The following ZFP2 variants were observed in gnomAD, a reference collection of about 807,000 sequenced individuals.
The protein encoded by ZFP2 is ZFP2 zinc finger protein.
Under a neutral mutation model 36.1 loss-of-function variants are expected in ZFP2, and 33 were observed. The observed-to-expected ratio is 0.92, with a 90% confidence interval of 0.69 to 1.22. The LOEUF (loss-of-function observed/expected upper bound fraction) is 1.22, where lower values mean the gene tolerates loss of function less well. Among genes scored for constraint, ZFP2 ranks in the 50% most tolerant of loss-of-function variants. The pLI is 0.00. For missense variants in ZFP2, 522 were observed against 551.4 expected (o/e 0.95, Z 0.53); for synonymous variants, 170 against 178.0 (o/e 0.96, Z 0.36).
chr5:178,897,093 C>T (rs1345282103), intron 1 of ZFP2, among the ~76,000 whole-genome samples: 1 of 149,140 alleles, frequency 6.7e-6, no homozygotes, highest in Non-Finnish European at 1.5e-5. Context: ...CTACATACAT[C>T]TTTGCATTTT....
intron 1 of ZFP2, chr5:178,909,991 G>A: frequency 3.5e-6 from 5 of 1,416,030 alleles, no homozygotes; most frequent in Non-Finnish European, 5.0e-6. Context: ...GTAGAGACTA[G>A]TTTCCATAGG....
chr5:178,911,336 T>C lies in ZFP2; in HGVS notation c.-449-1248T>C, dbSNP rs78896801. 3.2e-4 allele frequency among the ~76,000 whole-genome samples: 48 copies of C among 152,272 alleles called. 1 individual carries two copies. In the East Asian group the frequency reaches 9.3e-3, roughly 29 times the overall value. On this transcript the variant is annotated intron_variant, in intron 1 of 4. Coordinates refer to ENST00000361362, the MANE Select transcript of ZFP2 (RefSeq NM_030613.4). The stretch of plus-strand genomic sequence containing the variant: ...CTTCTTTCTCCACTACGGTTGACCC[T>C]TAAATAACACAAATTTGAACTACAC...
intron 4 of ZFP2, among the ~76,000 whole-genome samples, chr5:178,921,157 G>A (rs556653279): frequency 2.0e-5 from 3 of 152,228 alleles, no homozygotes; most frequent in Non-Finnish European, 2.9e-5. Context: ...CAAAGTCCAC[G>A]TGTGCTGCTT....
rs548870286 is a variant in ZFP2 at position 178,921,491 on chromosome 5, C to T, written c.-78+4781C>T. Among the ~76,000 whole-genome samples, 10 of 149,550 alleles carry T rather than the reference C, an allele frequency of 6.7e-5. 1 individual carries two copies. Among genetic ancestry groups the T allele is most frequent in the Non-Finnish European group, 1.4e-4 (9 of 66,604 alleles). ...GACCCTCTCCTCATGTTTTTGAGCT[C>T]CTGTCAGCTTGCAGTGGCACTGCTG... On this transcript the variant is annotated intron_variant, in intron 4 of 4. Transcript: ENST00000361362.
intron 1 of ZFP2, among the ~76,000 whole-genome samples, chr5:178,908,770 G>C (rs900831572): frequency 3.3e-5 from 5 of 151,996 alleles, no homozygotes; most frequent in Non-Finnish European, 7.4e-5. Context: ...AAAAAATGAA[G>C]AAAGTGCCTA....
chr5:178,918,692 A>G (rs1472286133), intron 4 of ZFP2, among the ~76,000 whole-genome samples: 1 of 152,258 alleles, frequency 6.6e-6, no homozygotes, highest in Non-Finnish European at 1.5e-5. Flanking sequence ...TATTACTCAA[A>G]AGTCTTGTTT....
At chr5:178,902,579 T>A (rs1758082439) in intron 1 of ZFP2, among the ~76,000 whole-genome samples, 2 of 147,240 alleles carry the variant, frequency 1.4e-5, no homozygotes, top group South Asian at 4.2e-4. Flanking sequence ...CAATGTGGGT[T>A]TGTTTGATGT....
chr5:178,902,462 C>G (rs1758079749), intron 1 of ZFP2, among the ~76,000 whole-genome samples: 1 of 152,188 alleles, frequency 6.6e-6, no homozygotes, highest in Non-Finnish European at 1.5e-5. Flanking sequence ...TTGTATTTAG[C>G]TGTCGTATCT....
rs575501256 is a variant in ZFP2, at chr5:178,922,415, A to G, written c.-78+5705A>G. 4 of 1,335,314 alleles carry G rather than the reference A, an allele frequency of 3.0e-6. 1 individual carries two copies. The highest frequency in any genetic ancestry group is 1.7e-5 in the Admixed American group (1 of 57,174). 82.7% of individuals were successfully genotyped at this position (1,335,314 alleles called of 1,614,324 possible). On this transcript the variant is annotated intron_variant, in intron 4 of 4. Transcript: ENST00000361362. ...ATTGGAAACATTTTTATTTGCAGTT[A>G]TTTTGTCTACTTTTACTATTGTGCC...
intron 1 of ZFP2, chr5:178,910,700 A>G (rs1442780616): frequency 3.4e-6 from 1 of 295,130 alleles, no homozygotes; most frequent in Non-Finnish European, 6.7e-6. Flanking sequence ...CAGTCAGAGG[A>G]GCTAGCCAAC....
chr5:178,910,241 T>C (rs1412021474), intron 1 of ZFP2: 1 of 1,580,270 alleles, frequency 6.3e-7, no homozygotes, highest in Non-Finnish European at 8.7e-7. Flanking sequence ...AGAGCAGCAC[T>C]CGGAATTCTG....
At chr5:178,930,155 A>G (rs187342472) in intron 4 of ZFP2, among the ~76,000 whole-genome samples, 15 of 152,064 alleles carry the variant, frequency 9.9e-5, no homozygotes, top group African/African-American at 3.1e-4. Flanking sequence ...ATCATCTCCC[A>G]TAAGGCCCCA....
rs140354184 is a variant in ZFP2 at position 178,920,562 on chromosome 5, G to A, written c.-78+3852G>A. Among the ~76,000 whole-genome samples, 1,087 of 152,038 alleles carry A rather than the reference G, an allele frequency of 7.1e-3. 4 individuals carry two copies. The highest frequency in any genetic ancestry group is 0.011 in the Admixed American group (166 of 15,272). On this transcript the variant is annotated intron_variant, in intron 4 of 4. Transcript: ENST00000361362. ...TGAGGCAGGAGAATCGCTTGAACCC[G>A]GGAGGTAGAGGTTGCAGTGAGTCGA...
chr5:178,933,199 T>C lies in ZFP2; in HGVS notation c.*500T>C, dbSNP rs1440658161. ...AAATGCTACAACTCTATAAATATAA[T>C]GAATGCTGGGAAATCTTTGTTCTTT... is the stretch of plus-strand genomic sequence containing the variant. On this transcript the variant is annotated 3_prime_UTR_variant, in exon 5 of 5. Coordinates refer to ENST00000361362, the MANE Select transcript of ZFP2 (RefSeq NM_030613.4). 5.9e-6 allele frequency: 1 copy of C among 169,244 alleles called. No homozygotes were observed. The highest frequency in any genetic ancestry group is 2.4e-5 in the African/African-American group (1 of 41,472). 10.5% of individuals were successfully genotyped at this position (169,244 alleles called of 1,614,324 possible).
intron 3 of ZFP2, among the ~76,000 whole-genome samples, chr5:178,916,354 C>A (rs766006489): frequency 1.3e-5 from 2 of 152,136 alleles, no homozygotes; most frequent in Non-Finnish European, 2.9e-5. Context: ...ACTGTCGTTT[C>A]AACAAGGCCA....
chr5:178,910,782 A>G (rs1758280885), intron 1 of ZFP2, among the ~76,000 whole-genome samples: 1 of 151,986 alleles, frequency 6.6e-6, no homozygotes, highest in Non-Finnish European at 1.5e-5. Context: ...CAACCCTCCT[A>G]CCATCCCCGC....
chr5:178,906,263 T>A (rs2113063924), intron 1 of ZFP2, among the ~76,000 whole-genome samples: 1 of 152,324 alleles, frequency 6.6e-6, no homozygotes, highest in Non-Finnish European at 1.5e-5. Flanking sequence ...CCTTCTGTAT[T>A]CAGCTAACAA....
chr5:178,912,534 C>G (rs1758319662), intron 1 of ZFP2, 50 bp from the exon 2 acceptor site: 3 of 459,430 alleles, frequency 6.5e-6, no homozygotes, highest in African/African-American at 2.1e-5. Context: ...GGGATTTTCA[C>G]TCCCCTCAGA....
Position 178,920,636 on chromosome 5 carries a change from C to CAAAAAAA in ZFP2, c.-78+3936_-78+3942dup, listed in dbSNP as rs373794810. On this transcript the variant is annotated intron_variant, in intron 4 of 4. Transcript: ENST00000361362. ...TGGGCAACAGAGTGAGACTTCGTCT[C>CAAAAAAA]AAAAAAAAAAAAAAAATTGTATATT... Among the ~76,000 whole-genome samples, 730 of 118,406 alleles carry CAAAAAAA rather than the reference C, an allele frequency of 6.2e-3. 7 individuals are homozygous for CAAAAAAA. Among genetic ancestry groups the CAAAAAAA allele is most frequent in the African/African-American group, 0.022 (698 of 31,024 alleles). 77.7% of individuals were successfully genotyped at this position (118,406 alleles called of 152,430 possible). A position where few individuals can be genotyped will look rare whatever the true frequency, so the allele number is the denominator to read the frequency against.
Sources: allele counts gnomAD v4.1 joint callset (sites outside exome capture counted in the v4.1 genomes callset), GRCh38; gene constraint gnomAD v4.1.1; transcripts MANE v1.5; gene names NCBI Gene and HGNC (gene_info 2026-07-23, HGNC 2026-07-21).